The following C4orf17 variants were observed in gnomAD, a reference collection of about 807,000 sequenced individuals.
C4orf17 encodes uncharacterized protein C4orf17.
A neutral mutation model predicts 32.0 loss-of-function variants in C4orf17; 25 were observed. That is an observed-to-expected ratio of 0.78 (90% CI 0.57 to 1.09). C4orf17 has a LOEUF of 1.09. Ranked by LOEUF, C4orf17 falls within the 50% of genes least tolerant of loss-of-function variation. The probability of loss-of-function intolerance (pLI) is 0.00; values close to 1 mark genes in which losing one functional copy is unlikely to be tolerated. For missense variants in C4orf17, 420 were observed against 420.0 expected (o/e 1.00, Z 0.00); for synonymous variants, 149 against 145.8 (o/e 1.02, Z -0.16).
rs1254273312 is a variant in C4orf17 at position 99,511,132 on chromosome 4, C to T, written c.-234C>T. The T allele has an allele frequency of 6.6e-6, 1 of 152,104 alleles. No homozygotes were observed. Among genetic ancestry groups the T allele is most frequent in the Non-Finnish European group, 1.5e-5 (1 of 68,020 alleles). The allele number at this position is 152,104 out of a possible 1,614,324, so 9.4% of individuals were successfully genotyped here. ...AGCGTTCGAGATTGGTCTGTCTCTA[C>T]CAACTAAAAACTTCTAGCTTAAGTG... On this transcript the variant is annotated 5_prime_UTR_variant, in exon 1 of 9. Transcript: ENST00000326581.
chr4:99,538,928 G>C (rs1375292202), intron 6 of C4orf17, among the ~76,000 whole-genome samples: 2 of 152,130 alleles, frequency 1.3e-5, no homozygotes, highest in Non-Finnish European at 2.9e-5. Flanking sequence ...CTGCTATTCA[G>C]GGACAAGTGC....
rs202206235 is a variant in C4orf17 at position 99,524,607 on chromosome 4, C to T, written c.402+22C>T. On this transcript the variant is annotated intron_variant, in intron 4 of 8. Coordinates refer to ENST00000326581, the MANE Select transcript of C4orf17 (RefSeq NM_032149.3). ...AAAGGTAAGGAACAGCTATTTACTG[C>T]TATCTATTTAGTTTGACTTCTATAA... 234 of 871,468 alleles carry T rather than the reference C, an allele frequency of 2.7e-4. 2 individuals are homozygous for T. The South Asian group carries it at 5.8e-3, about 21-fold the overall frequency. The allele number at this position is 871,468 out of a possible 1,614,324, so 54.0% of individuals were successfully genotyped here. A position where few individuals can be genotyped will look rare whatever the true frequency, so the allele number is the denominator to read the frequency against.
At position 99,537,660 on chromosome 4, in the gene C4orf17, C is replaced by A; in HGVS notation, c.547-9C>A. 1 of 1,605,470 alleles carries A rather than the reference C, an allele frequency of 6.2e-7. No individual in the cohort carries two copies. The highest frequency in any genetic ancestry group is 1.1e-5 in the South Asian group (1 of 90,934). On this transcript the variant is annotated splice_polypyrimidine_tract_variant and intron_variant, in intron 5 of 8. Coordinates refer to ENST00000326581, the MANE Select transcript of C4orf17 (RefSeq NM_032149.3). Reference sequence around the variant, plus strand: ...TTTGCTCATATGTAACTCTAATGTTCTCTGTCAGATCCTGGCAAAGCTCTG... The same window carrying A: ...TTTGCTCATATGTAACTCTAATGTTATCTGTCAGATCCTGGCAAAGCTCTG...
chr4:99,527,548 T>A (rs553683266), intron 4 of C4orf17, among the ~76,000 whole-genome samples: 1 of 152,314 alleles, frequency 6.6e-6, no homozygotes, highest in South Asian at 2.1e-4. Flanking sequence ...GATCATCAGG[T>A]GTTCCATTCT....
chr4:99,529,676 T>C, intron 4 of C4orf17, 139 bp from the exon 5 acceptor site: 2 of 573,830 alleles, frequency 3.5e-6, no homozygotes, highest in Non-Finnish European at 5.8e-6. Context: ...TTTGATAGCT[T>C]AAGATAAAAC....
chr4:99,518,899 A>G (rs1723241472), intron 2 of C4orf17, among the ~76,000 whole-genome samples: 5 of 152,020 alleles, frequency 3.3e-5, no homozygotes, highest in Admixed American at 3.3e-4. Context: ...GAGACTTTTC[A>G]GGCTTCACAT....
rs774968557 is a variant in C4orf17, at chr4:99,537,737, T to C, written c.615T>C (p.His205=). ...CAGAAGTTTTACAGTGGCTGCTTCA[T>C]GCAACTTCAAAAGGTGCGATTAAGA... is the stretch of plus-strand genomic sequence containing the variant. ...SLAEVLQWLL[H]ATSKEKEWVS... is the part of the protein sequence containing the mutation. The change falls in exon 6 of 9, where the codon CAT becomes CAC. Residue 205 remains histidine, a synonymous_variant. Coordinates refer to ENST00000326581, the MANE Select transcript of C4orf17 (RefSeq NM_032149.3). 17 of 1,611,614 alleles carry C rather than the reference T, an allele frequency of 1.1e-5. No individual in the cohort carries two copies. The highest frequency in any genetic ancestry group is 7.7e-5 in the South Asian group (7 of 91,072).
At chr4:99,515,392 GT>G (rs1189462223) in intron 2 of C4orf17, among the ~76,000 whole-genome samples, 2 of 152,128 alleles carry the variant, frequency 1.3e-5, no homozygotes, top group Non-Finnish European at 2.9e-5. Context: ...CATGTCCTTT[GT>G]AGGGATATGG....
intron 4 of C4orf17, among the ~76,000 whole-genome samples, chr4:99,525,972 G>A (rs1056654243): frequency 1.3e-5 from 2 of 151,762 alleles, no homozygotes; most frequent in African/African-American, 2.4e-5. Context: ...TCATAGTTTC[G>A]CATCTGCATG....
chr4:99,535,551 A>G (rs916405561), intron 5 of C4orf17, among the ~76,000 whole-genome samples: 1 of 151,734 alleles, frequency 6.6e-6, no homozygotes, highest in Non-Finnish European at 1.5e-5. Flanking sequence ...TTACAATTAC[A>G]TTGTAAAGTT....
intron 5 of C4orf17, among the ~76,000 whole-genome samples, chr4:99,534,899 T>G (rs1723536811): frequency 6.6e-6 from 1 of 152,326 alleles, no homozygotes; most frequent in South Asian, 2.1e-4. Flanking sequence ...CCTTTCCATA[T>G]TTAGTGCTTC....
intron 4 of C4orf17, among the ~76,000 whole-genome samples, chr4:99,525,854 A>G (rs1189207923): frequency 3.4e-4 from 52 of 151,834 alleles, no homozygotes; most frequent in Admixed American, 3.4e-3. Flanking sequence ...AGTTCTTCAT[A>G]TATTCTAGAT....
At chr4:99,541,689 T>C in intron 8 of C4orf17, 1 of 479,008 alleles carries the variant, frequency 2.1e-6, no homozygotes, top group South Asian at 2.6e-5. Context: ...CTTTTGAGAG[T>C]GAAGGAACAT....
chr4:99,521,075 A>G (rs921332880), intron 2 of C4orf17, among the ~76,000 whole-genome samples: 4 of 152,186 alleles, frequency 2.6e-5, no homozygotes, highest in African/African-American at 9.7e-5. Flanking sequence ...TTAAATGTGT[A>G]TTTAAGATGT....
chr4:99,515,871 G>A (rs571690602), intron 2 of C4orf17, among the ~76,000 whole-genome samples: 1 of 152,228 alleles, frequency 6.6e-6, no homozygotes, highest in South Asian at 2.1e-4. Flanking sequence ...AGATAGAGAA[G>A]AGAATTAGGA....
At chr4:99,519,927 CAT>C (rs1723256063) in intron 2 of C4orf17, among the ~76,000 whole-genome samples, 1 of 152,070 alleles carries the variant, frequency 6.6e-6, no homozygotes, top group Non-Finnish European at 1.5e-5. Context: ...TGAGCAAAGA[CAT>C]ATTCCTAAAG....
intron 5 of C4orf17, among the ~76,000 whole-genome samples, chr4:99,532,278 T>G (rs558882839): frequency 6.6e-6 from 1 of 152,092 alleles, no homozygotes; most frequent in African/African-American, 2.4e-5. Context: ...ATATTCACAA[T>G]AGCAAAGACA....
At chr4:99,535,958 T>C (rs1421175235) in intron 5 of C4orf17, 2 of 417,468 alleles carry the variant, frequency 4.8e-6, no homozygotes, top group Non-Finnish European at 9.3e-6. Context: ...GTTTTTCTTC[T>C]AACAGGCCAC....
At chr4:99,530,550 T>C (rs1723462431) in intron 5 of C4orf17, among the ~76,000 whole-genome samples, 1 of 152,098 alleles carries the variant, frequency 6.6e-6, no homozygotes, top group Middle Eastern at 3.2e-3. Flanking sequence ...TTTAATCTCT[T>C]TGGTAACCTC....
Sources: gnomAD v4.1 joint callset for allele counts (sites outside exome capture counted in the v4.1 genomes callset) on GRCh38, gnomAD v4.1.1 for gene constraint, MANE v1.5 for transcripts, NCBI Gene and HGNC (gene_info 2026-07-23, HGNC 2026-07-21) for gene names.